SLC30A9: variants seen among roughly 807,000 people sequenced by gnomAD.
The protein encoded by SLC30A9 is proton-coupled zinc antiporter SLC30A9, mitochondrial.
SLC30A9 carries 58 observed loss-of-function variants against 87.5 expected under a neutral mutation model. That is an observed-to-expected ratio of 0.66 (90% CI 0.54 to 0.82). The LOEUF (loss-of-function observed/expected upper bound fraction) is 0.82, where lower values mean the gene tolerates loss of function less well. SLC30A9 is among the 40% of genes least tolerant of loss of function. SLC30A9 has a pLI of 0.00. For synonymous variants in SLC30A9, 234 were observed against 233.0 expected (o/e 1.00, Z -0.04); for missense variants, 557 against 679.1 (o/e 0.82, Z 2.00).
chr4:42,085,468 G>A (rs1718892805), intron 17 of SLC30A9, among the ~76,000 whole-genome samples: 1 of 152,330 alleles, frequency 6.6e-6, no homozygotes, highest in African/African-American at 2.4e-5. Context: ...ATTAGGTTAT[G>A]AGGCTTTTAA....
At chr4:42,060,108 C>T (rs1717782352) in intron 9 of SLC30A9, 83 bp from the exon 10 acceptor site, 1 of 1,018,654 alleles carries the variant, frequency 9.8e-7, no homozygotes, top group Non-Finnish European at 1.5e-6. Flanking sequence ...TCATTGTTAG[C>T]CTGCACCCTC....
intron 7 of SLC30A9, among the ~76,000 whole-genome samples, chr4:42,035,940 TAGCCTC>T (rs1716660438): frequency 6.6e-6 from 1 of 152,232 alleles, no homozygotes; most frequent in African/African-American, 2.4e-5. Flanking sequence ...TAATTTTCTT[TAGCCTC>T]TCTCTTTCTG....
At chr4:42,041,577 A>AG (rs1716924533) in intron 8 of SLC30A9, among the ~76,000 whole-genome samples, 1 of 152,146 alleles carries the variant, frequency 6.6e-6, no homozygotes, top group Non-Finnish European at 1.5e-5. Flanking sequence ...CTACAAAAAA[A>AG]TTTTTTTAAT....
intron 9 of SLC30A9, among the ~76,000 whole-genome samples, chr4:42,055,350 A>G (rs1340961589): frequency 6.6e-6 from 1 of 151,958 alleles, no homozygotes; most frequent in Non-Finnish European, 1.5e-5. Flanking sequence ...CTTTTAAATT[A>G]GACCTGTGTC....
At chr4:42,060,286 G>A (rs374629218) in intron 10 of SLC30A9, 40 bp downstream of exon 10, 56 of 1,461,554 alleles carry the variant, frequency 3.8e-5, no homozygotes, top group Middle Eastern at 1.7e-4. Context: ...TTGTTTTGGC[G>A]ATAAGTCATT....
intron 4 of SLC30A9, among the ~76,000 whole-genome samples, chr4:42,021,830 G>A (rs1315068786): frequency 1.3e-5 from 2 of 151,666 alleles, no homozygotes; most frequent in South Asian, 2.1e-4. Context: ...GCTTACTGCA[G>A]CCTCTACCTC....
chr4:42,085,540 G>A (rs546638648), intron 17 of SLC30A9, among the ~76,000 whole-genome samples: 7 of 152,316 alleles, frequency 4.6e-5, no homozygotes, highest in African/African-American at 1.4e-4. Flanking sequence ...AGCAATAAAT[G>A]TTAACTTTTT....
At chr4:42,045,340 G>A (rs1717103743) in intron 8 of SLC30A9, among the ~76,000 whole-genome samples, 1 of 151,786 alleles carries the variant, frequency 6.6e-6, no homozygotes, top group African/African-American at 2.4e-5. Context: ...AGAAAAGAGA[G>A]GAGAATCAAA....
intron 11 of SLC30A9, 136 bp downstream of exon 11, chr4:42,063,257 T>C: frequency 1.7e-6 from 1 of 593,568 alleles, no homozygotes; most frequent in South Asian, 4.0e-5. Flanking sequence ...GTTATATATC[T>C]ATAGTTTAAT....
At chr4:42,062,893 A>G in intron 10 of SLC30A9, 93 bp from the exon 11 acceptor site, 1 of 998,950 alleles carries the variant, frequency 1.0e-6, no homozygotes, top group East Asian at 2.5e-5. Context: ...ACATCTTGAT[A>G]TTGTTAGTCT....
chr4:42,073,520 A>G (rs1011141616), intron 15 of SLC30A9, among the ~76,000 whole-genome samples: 1 of 152,228 alleles, frequency 6.6e-6, no homozygotes, highest in Non-Finnish European at 1.5e-5. Flanking sequence ...ACATATTACC[A>G]TCTTACAGTT....
In SLC30A9 at chr4:42,070,566, C is replaced by T. The variant is rs755692626; in HGVS notation, c.1293C>T (p.Gly431=). 5.0e-6 allele frequency: 8 copies of T among 1,613,732 alleles called. No individual in the cohort carries two copies. In the Admixed American group the frequency reaches 1.0e-4, roughly 20 times the overall value. The change falls in exon 15 of 18, where the codon GGC becomes GGT. Residue 431 remains glycine (G), a synonymous_variant. Transcript: ENST00000264451. The part of the protein sequence containing the change: ...LYDSLGSLGV[G]TLLGMVSAFL... ...ACAGCCTAGGTTCTTTGGGTGTGGG[C>T]ACCTTATTAGGCATGGTCTCAGCAT...
At chr4:42,030,183 C>T (rs1224599900) in intron 6 of SLC30A9, 3 of 594,710 alleles carry the variant, frequency 5.0e-6, no homozygotes, top group East Asian at 5.7e-5. Context: ...ATACAAAAGC[C>T]TGTTAGTCTT....
intron 10 of SLC30A9, 124 bp downstream of exon 10, chr4:42,060,370 A>G (rs963673378): frequency 1.4e-6 from 1 of 740,192 alleles, no homozygotes; most frequent in African/African-American, 1.7e-5. Flanking sequence ...CATTTCTTCC[A>G]CTGTAGTATC....
intron 8 of SLC30A9, among the ~76,000 whole-genome samples, chr4:42,046,897 T>C (rs545690447): frequency 1.1e-4 from 16 of 152,186 alleles, no homozygotes; most frequent in Non-Finnish European, 1.6e-4. Flanking sequence ...TATAGACCAA[T>C]GTAACAGAAC....
chr4:42,015,144 G>A (rs988712729), intron 2 of SLC30A9, among the ~76,000 whole-genome samples: 2 of 151,990 alleles, frequency 1.3e-5, no homozygotes, highest in African/African-American at 4.8e-5. Flanking sequence ...TTGTATGCCT[G>A]TTTCAAAATA....
At chr4:42,045,416 C>G (rs1462762447) in intron 8 of SLC30A9, among the ~76,000 whole-genome samples, 4 of 152,056 alleles carry the variant, frequency 2.6e-5, no homozygotes, top group African/African-American at 4.8e-5. Context: ...AAAGTACCAT[C>G]AGAGAATAAT....
At position 41,990,596 on chromosome 4, in the gene SLC30A9, G is replaced by A. The variant is rs906541428; in HGVS notation, c.-56G>A. ...CCAGTCTATGGAGTCAGTTGGTACC[G>A]GTGGCGGCGCGGAGGCAGAAGGCGG... On this transcript the variant is annotated 5_prime_UTR_variant, in exon 1 of 18. Transcript: ENST00000264451. 8.4e-6 allele frequency: 9 copies of A among 1,065,590 alleles called. No individual in the cohort carries two copies. The highest frequency in any genetic ancestry group is 1.1e-5 in the Non-Finnish European group (8 of 711,112). The allele number at this position is 1,065,590 out of a possible 1,614,324, so 66.0% of individuals were successfully genotyped here.
Position 42,044,447 on chromosome 4 carries a change from C to T in SLC30A9, c.738-4930C>T, listed in dbSNP as rs184983795. Among the ~76,000 whole-genome samples, 1,045 of 147,156 alleles carry T rather than the reference C, an allele frequency of 7.1e-3. 12 individuals carry two copies. Among genetic ancestry groups the T allele is most frequent in the Non-Finnish European group, 0.01 (683 of 67,366 alleles). ...GTCTCTGACAAAAAAGATTTTAAAC[C>T]GACAAAGATCAAAAAAGACAAAGGT... is the stretch of plus-strand genomic sequence containing the variant. On this transcript the variant is annotated intron_variant, in intron 8 of 17. Coordinates refer to ENST00000264451, the MANE Select transcript of SLC30A9 (RefSeq NM_006345.4).
Sources: allele counts gnomAD v4.1 joint callset (sites outside exome capture counted in the v4.1 genomes callset), GRCh38; gene constraint gnomAD v4.1.1; transcripts MANE v1.5; gene names NCBI Gene and HGNC (gene_info 2026-07-23, HGNC 2026-07-21).